SEC63: variants seen among roughly 807,000 people sequenced by gnomAD.
SEC63 encodes the protein translocation protein SEC63 homolog.
Under a neutral mutation model 116.2 loss-of-function variants are expected in SEC63, and 56 were observed. That is an observed-to-expected ratio of 0.48 (90% CI 0.39 to 0.60). The LOEUF is 0.60. SEC63 is among the 20% of genes least tolerant of loss of function. SEC63 has a pLI of 0.00. For missense variants in SEC63, 668 were observed against 900.0 expected, an observed-to-expected ratio of 0.74 and a Z score of 3.30; for synonymous variants, 273 against 294.6, an observed-to-expected ratio of 0.93 and a Z score of 0.75.
chr6:107,876,110 A>G (rs1786259728), intron 19 of SEC63, among the ~76,000 whole-genome samples: 1 of 152,220 alleles, frequency 6.6e-6, no homozygotes, highest in South Asian at 2.1e-4. Context: ...TCCCAAGGGT[A>G]AATATGTTCA....
At chr6:107,925,031 A>C (rs1238122615) in intron 2 of SEC63, 99 bp from the exon 3 acceptor site, 1 of 745,078 alleles carries the variant, frequency 1.3e-6, no homozygotes. Context: ...CAGTAGTACC[A>C]TATCACTATG....
intron 16 of SEC63, among the ~76,000 whole-genome samples, chr6:107,890,531 G>A (rs2114421341): frequency 6.6e-6 from 1 of 152,258 alleles, no homozygotes; most frequent in Admixed American, 6.5e-5. Flanking sequence ...CAATTTGGCA[G>A]TCTGTGTCTT....
intron 1 of SEC63, among the ~76,000 whole-genome samples, chr6:107,950,588 A>G (rs897264459): frequency 6.6e-6 from 1 of 152,230 alleles, no homozygotes; most frequent in African/African-American, 2.4e-5. Context: ...ACAGATGAGT[A>G]TGACCAATAA....
chr6:107,894,608 T>A (rs935979552), intron 14 of SEC63, among the ~76,000 whole-genome samples: 2 of 152,186 alleles, frequency 1.3e-5, no homozygotes, highest in African/African-American at 4.8e-5. Flanking sequence ...ATTTAGGATT[T>A]AAGTCCCAGT....
chr6:107,872,721 T>C, intron 20 of SEC63, 87 bp downstream of exon 20: 1 of 822,526 alleles, frequency 1.2e-6, no homozygotes, highest in East Asian at 2.6e-5. Context: ...CTTCCATAAC[T>C]CTACATTTCA....
At chr6:107,886,008 A>G (rs1786519454) in intron 16 of SEC63, among the ~76,000 whole-genome samples, 1 of 151,998 alleles carries the variant, frequency 6.6e-6, no homozygotes, top group Non-Finnish European at 1.5e-5. Context: ...TCCCTCCCCT[A>G]GCCCACCACC....
At chr6:107,886,530 C>T (rs190998259) in intron 16 of SEC63, among the ~76,000 whole-genome samples, 1,647 of 152,284 alleles carry the variant, frequency 0.011, 32 homozygotes, top group African/African-American at 0.037. Context: ...TGTTTCCTGA[C>T]TTTTTAATGA....
rs542544348 is a variant in SEC63 at position 107,882,774 on chromosome 6, G to A, written c.1833+214C>T. Among the ~76,000 whole-genome samples, 3 of 152,034 alleles carry A rather than the reference G, an allele frequency of 2.0e-5. No homozygotes were observed. The South Asian group carries it at 6.2e-4, about 32-fold the overall frequency. On this transcript the variant is annotated intron_variant, in intron 17 of 20. Coordinates refer to ENST00000369002, the MANE Select transcript of SEC63 (RefSeq NM_007214.5). ...ACAATTTAATATTTAAGAAAACGAG[G>A]ATTTCCAATCCTTGTTAGAAATCAT...
intron 1 of SEC63, among the ~76,000 whole-genome samples, chr6:107,943,939 G>C (rs1770426556): frequency 6.6e-6 from 1 of 152,180 alleles, no homozygotes; most frequent in African/African-American, 2.4e-5. Flanking sequence ...AAGGATCCTT[G>C]CTAATATTCT....
At chr6:107,919,831 A>G (rs954133812) in intron 4 of SEC63, among the ~76,000 whole-genome samples, 1 of 152,088 alleles carries the variant, frequency 6.6e-6, no homozygotes, top group African/African-American at 2.4e-5. Flanking sequence ...CAAAAAAAAA[A>G]AAGAAAAAGA....
At chr6:107,917,307 C>T (rs920615397) in intron 4 of SEC63, among the ~76,000 whole-genome samples, 11 of 152,174 alleles carry the variant, frequency 7.2e-5, no homozygotes, top group Non-Finnish European at 1.6e-4. Context: ...GGGTAAATCT[C>T]TGTTTGGGGT....
chr6:107,874,719 A>G (rs963648765), intron 19 of SEC63, among the ~76,000 whole-genome samples: 5 of 151,978 alleles, frequency 3.3e-5, no homozygotes, highest in Non-Finnish European at 7.4e-5. Context: ...TCTGTTGCCC[A>G]GGCTGAAGTA....
chr6:107,905,270 T>C (rs1358953218), intron 10 of SEC63, among the ~76,000 whole-genome samples: 1 of 152,214 alleles, frequency 6.6e-6, no homozygotes, highest in Admixed American at 6.5e-5. Context: ...GTACAGAACA[T>C]TAGCAACAGA....
chr6:107,918,698 A>C (rs375519104), intron 4 of SEC63, among the ~76,000 whole-genome samples: 3 of 151,722 alleles, frequency 2.0e-5, no homozygotes, highest in Non-Finnish European at 2.9e-5. Flanking sequence ...TCTCAAAAAA[A>C]AAAAAACAAA....
intron 14 of SEC63, among the ~76,000 whole-genome samples, chr6:107,897,216 T>A (rs1786871541): frequency 6.6e-6 from 1 of 152,166 alleles, no homozygotes; most frequent in Non-Finnish European, 1.5e-5. Context: ...TTGTTTAAAT[T>A]TTTTCCAGAC....
intron 1 of SEC63, among the ~76,000 whole-genome samples, chr6:107,943,663 C>T (rs1357576367): frequency 6.6e-6 from 1 of 152,098 alleles, no homozygotes; most frequent in Non-Finnish European, 1.5e-5. Flanking sequence ...GCAAAGACAA[C>T]AGAGATGAGG....
chr6:107,926,443 T>C (rs1787678983), intron 2 of SEC63, among the ~76,000 whole-genome samples: 1 of 152,126 alleles, frequency 6.6e-6, no homozygotes, highest in Admixed American at 6.6e-5. Context: ...ATCATGATCA[T>C]GGCTCACTGC....
rs1786998996 is a variant in SEC63, at chr6:107,901,384, T to C, written c.1343A>G (p.Asp448Gly). ...CTCCCACTTACCCTGTGATTTTATA[T>C]CCATGGTCACATATGGAAAACTCCC... is the stretch of plus-strand genomic sequence containing the variant. ...VLGSFPYVTM[D>G]IKSQVLDDED... The change falls in exon 13 of 21, where the codon GAT becomes GGT. Residue 448 changes from aspartate to glycine, a missense_variant. Transcript: ENST00000369002. 3 of 1,612,846 alleles carry C rather than the reference T, an allele frequency of 1.9e-6. No individual in the cohort carries two copies. The East Asian group carries it at 6.7e-5, about 36-fold the overall frequency.
intron 10 of SEC63, among the ~76,000 whole-genome samples, chr6:107,905,095 T>C (rs1447827090): frequency 6.6e-6 from 1 of 152,112 alleles, no homozygotes; most frequent in African/African-American, 2.4e-5. Context: ...ATAAGAGACG[T>C]AGAAGAGAAG....
Sources: gnomAD v4.1 joint callset for allele counts (sites outside exome capture counted in the v4.1 genomes callset) on GRCh38, gnomAD v4.1.1 for gene constraint, MANE v1.5 for transcripts, NCBI Gene and HGNC (gene_info 2026-07-23, HGNC 2026-07-21) for gene names.